SNX29: variants seen among roughly 807,000 people sequenced by gnomAD.
SNX29 encodes sorting nexin-29.
Under a neutral mutation model 102.1 loss-of-function variants are expected in SNX29, and 78 were observed. The observed-to-expected ratio is 0.76, with a 90% CI of 0.64 to 0.92. SNX29 has a LOEUF of 0.92. Ranked by LOEUF, SNX29 falls within the 40% of genes least tolerant of loss-of-function variation. SNX29 has a pLI of 0.00. For synonymous variants in SNX29, 580 were observed against 414.5 expected, an observed-to-expected ratio of 1.40 and a Z score of -4.85; for missense variants, 1,280 against 1,061.7, an observed-to-expected ratio of 1.21 and a Z score of -2.86.
intron 15 of SNX29, among the ~76,000 whole-genome samples, chr16:12,345,496 A>G (rs1245597523): frequency 6.6e-6 from 1 of 152,184 alleles, no homozygotes; most frequent in Non-Finnish European, 1.5e-5. Context: ...CTCAGATATC[A>G]TGGGTCTGTG....
chr16:12,365,134 C>T (rs554783214), intron 16 of SNX29, among the ~76,000 whole-genome samples: 27 of 152,174 alleles, frequency 1.8e-4, no homozygotes, highest in Non-Finnish European at 3.5e-4. Context: ...TACCACCACA[C>T]TGCTCACTCT....
intron 18 of SNX29, among the ~76,000 whole-genome samples, chr16:12,407,525 T>C (rs1388211076): frequency 6.6e-6 from 1 of 152,190 alleles, no homozygotes; most frequent in Non-Finnish European, 1.5e-5. Context: ...GCTCTATGAA[T>C]GATTGATATT....
chr16:12,419,487 A>G (rs2084782127), intron 18 of SNX29, among the ~76,000 whole-genome samples: 1 of 152,108 alleles, frequency 6.6e-6, no homozygotes, highest in South Asian at 2.1e-4. Flanking sequence ...GAAACAGATG[A>G]CATTCATTGA....
chr16:12,376,603 G>T (rs1017538099), intron 16 of SNX29, among the ~76,000 whole-genome samples: 1 of 151,730 alleles, frequency 6.6e-6, no homozygotes, highest in Non-Finnish European at 1.5e-5. Flanking sequence ...GGGCATGGCG[G>T]CTGGCACCTA....
rs868205656 is a variant in SNX29, at chr16:12,572,511, C to T, written c.*3882C>T. ...GGTTCCAGGCCTCGGCCTTCCTGCT[C>T]CACGTGCTCAAGCCCCCACAGGGGG... On this transcript the variant is annotated 3_prime_UTR_variant, in exon 21 of 21. Transcript: ENST00000566228. 1.3e-5 allele frequency: 14 copies of T among 1,064,116 alleles called. No homozygotes were observed. The highest frequency in any genetic ancestry group is 9.1e-5 in the South Asian group (2 of 21,978). 65.9% of individuals were successfully genotyped at this position (1,064,116 alleles called of 1,614,324 possible). A position where few individuals can be genotyped will look rare whatever the true frequency, so the allele number is the denominator to read the frequency against.
intron 18 of SNX29, among the ~76,000 whole-genome samples, chr16:12,409,371 G>A (rs1057173598): frequency 6.7e-6 from 1 of 149,238 alleles, no homozygotes; most frequent in Non-Finnish European, 1.5e-5. Context: ...GCAGATGTTT[G>A]ATCTTATTCC....
chr16:12,353,014 G>T (rs895545230), intron 15 of SNX29, among the ~76,000 whole-genome samples: 3 of 152,126 alleles, frequency 2.0e-5, no homozygotes, highest in Non-Finnish European at 2.9e-5. Context: ...AGGCTGCCTG[G>T]CATGTCCCAA....
chr16:12,419,406 A>G (rs2084779070), intron 18 of SNX29, among the ~76,000 whole-genome samples: 1 of 152,100 alleles, frequency 6.6e-6, no homozygotes, highest in African/African-American at 2.4e-5. Flanking sequence ...CTTCTCATCA[A>G]GACACTCATT....
chr16:12,380,209 T>G (rs2083022068), intron 16 of SNX29, among the ~76,000 whole-genome samples: 1 of 136,752 alleles, frequency 7.3e-6, no homozygotes, highest in East Asian at 1.9e-4. Flanking sequence ...GGTTCAGAAA[T>G]GTAACTGGAT....
chr16:12,022,189 A>G (rs1233183801), intron 3 of SNX29, among the ~76,000 whole-genome samples: 1 of 138,564 alleles, frequency 7.2e-6, no homozygotes, highest in Non-Finnish European at 1.5e-5. Context: ...TTTTCAATTC[A>G]GTGATTTTTG....
chr16:12,385,910 G>A (rs1030071827), intron 16 of SNX29, among the ~76,000 whole-genome samples: 1 of 152,216 alleles, frequency 6.6e-6, no homozygotes, highest in African/African-American at 2.4e-5. Flanking sequence ...GGCCTCACCA[G>A]CTCCTGCACA....
chr16:12,134,648 T>G (rs2054593662), intron 13 of SNX29, among the ~76,000 whole-genome samples: 2 of 152,202 alleles, frequency 1.3e-5, no homozygotes, highest in Non-Finnish European at 2.9e-5. Flanking sequence ...GACACATGAT[T>G]GCTTCTGCTA....
chr16:12,389,193 T>A (rs193265020), intron 16 of SNX29, among the ~76,000 whole-genome samples: 5 of 152,334 alleles, frequency 3.3e-5, no homozygotes, highest in African/African-American at 1.2e-4. Context: ...CATCATCTGG[T>A]TGACCTGTGC....
chr16:12,248,395 T>C (rs2078323351), intron 14 of SNX29, among the ~76,000 whole-genome samples: 1 of 130,042 alleles, frequency 7.7e-6, no homozygotes, highest in Non-Finnish European at 1.5e-5. Flanking sequence ...GATCTCTGCT[T>C]TTTTTTTTTT....
intron 14 of SNX29, among the ~76,000 whole-genome samples, chr16:12,207,469 C>T (rs1158647107): frequency 6.6e-6 from 1 of 152,238 alleles, no homozygotes; most frequent in African/African-American, 2.4e-5. Flanking sequence ...GCCCCAATCC[C>T]TGCTCCCGCA....
rs1197294283 is a variant in SNX29 at position 12,514,334 on chromosome 16, C to T, written c.2179-10368C>T. Among the ~76,000 whole-genome samples, 5 of 152,096 alleles carry T rather than the reference C, an allele frequency of 3.3e-5. No individual in the cohort carries two copies. The East Asian group carries it at 9.6e-4, about 29-fold the overall frequency. On this transcript the variant is annotated intron_variant, in intron 19 of 20. Coordinates refer to ENST00000566228, the MANE Select transcript of SNX29 (RefSeq NM_032167.5). ...GCCCTAGCTCCCCCTACCTCAGGCG[C>T]CTCTGCTCCTGAATCTTGTGGTCCC...
intron 14 of SNX29, among the ~76,000 whole-genome samples, chr16:12,254,789 G>T (rs2078521388): frequency 6.6e-6 from 1 of 152,164 alleles, no homozygotes; most frequent in Non-Finnish European, 1.5e-5. Context: ...AGCGCAGTTG[G>T]TCCCCTGAGT....
chr16:12,437,173 G>C (rs954733175), intron 18 of SNX29, among the ~76,000 whole-genome samples: 9 of 152,232 alleles, frequency 5.9e-5, no homozygotes, highest in African/African-American at 2.2e-4. Flanking sequence ...TTTCAGGGTA[G>C]CCCAAATGAA....
chr16:12,471,601 A>G (rs147657922), intron 18 of SNX29, among the ~76,000 whole-genome samples: 4 of 152,248 alleles, frequency 2.6e-5, no homozygotes, highest in Admixed American at 6.5e-5. Flanking sequence ...CCTTGGCACT[A>G]CCTCCTGCCC....
Sources: allele counts gnomAD v4.1 joint callset (sites outside exome capture counted in the v4.1 genomes callset), GRCh38; gene constraint gnomAD v4.1.1; transcripts MANE v1.5; gene names NCBI Gene and HGNC (gene_info 2026-07-23, HGNC 2026-07-21).